The following ARL13B variants were observed in gnomAD, a reference collection of about 807,000 sequenced individuals.
ARL13B encodes ARF like GTPase 13B.
ARL13B carries 36 observed loss-of-function variants against 56.1 expected under a neutral mutation model. That is an observed-to-expected ratio of 0.64 (90% CI 0.49 to 0.85). The LOEUF is 0.85. Among genes scored for constraint, ARL13B ranks in the 40% least tolerant of loss-of-function variants. The pLI is 0.00. For synonymous variants in ARL13B, 178 were observed against 171.1 expected, an observed-to-expected ratio of 1.04 and a Z score of -0.32; for missense variants, 519 against 507.1, an observed-to-expected ratio of 1.02 and a Z score of -0.23.
At chr3:93,992,723 A>G (rs1346096063) in intron 1 of ARL13B, among the ~76,000 whole-genome samples, 7 of 152,232 alleles carry the variant, frequency 4.6e-5, no homozygotes, top group African/African-American at 1.7e-4. Context: ...CTTTAATATT[A>G]GCATTACTTT....
At chr3:94,050,243 T>G (rs2077047929) in intron 8 of ARL13B, among the ~76,000 whole-genome samples, 1 of 151,994 alleles carries the variant, frequency 6.6e-6, no homozygotes, top group South Asian at 2.1e-4. Context: ...TAATTTTTTC[T>G]AATACATTTT....
intron 3 of ARL13B, among the ~76,000 whole-genome samples, chr3:94,031,445 A>C (rs1467874447): frequency 6.6e-6 from 1 of 152,158 alleles, no homozygotes; most frequent in Non-Finnish European, 1.5e-5. Flanking sequence ...GAAATGGATG[A>C]TTGCAAGTCT....
Position 94,054,978 on chromosome 3 carries a change from C to T in ARL13B, c.*1715C>T, listed in dbSNP as rs1418032064. On this transcript the variant is annotated 3_prime_UTR_variant, in exon 10 of 10. Transcript: ENST00000394222. ...CTTTTGCTATCTTTTTAATATTTAT[C>T]TCGTTTGGGAGTATACGTGTTTTTA... is the stretch of plus-strand genomic sequence containing the variant. The T allele has an allele frequency of 3.3e-6, 1 of 299,326 alleles. No homozygotes were observed. The highest frequency in any genetic ancestry group is 6.6e-6 in the Non-Finnish European group (1 of 152,196). 18.5% of individuals were successfully genotyped at this position (299,326 alleles called of 1,614,324 possible). A position where few individuals can be genotyped will look rare whatever the true frequency, so the allele number is the denominator to read the frequency against.
At chr3:93,996,649 A>G in intron 2 of ARL13B, 1 of 434,552 alleles carries the variant, frequency 2.3e-6, no homozygotes, top group African/African-American at 2.0e-5. Flanking sequence ...GAGTGCTGGG[A>G]TTACAGGCAT....
At chr3:94,009,907 C>G (rs1171299666) in intron 3 of ARL13B, among the ~76,000 whole-genome samples, 1 of 152,058 alleles carries the variant, frequency 6.6e-6, no homozygotes, top group Non-Finnish European at 1.5e-5. Flanking sequence ...AGGTCCCCAT[C>G]CCTGCCTTCC....
chr3:94,011,427 T>C (rs2076223001), intron 3 of ARL13B, among the ~76,000 whole-genome samples: 1 of 152,184 alleles, frequency 6.6e-6, no homozygotes. Context: ...CTCCTTGTCC[T>C]CTCATTCTGT....
chr3:93,980,481 A>C lies in ARL13B; in HGVS notation c.58A>C (p.Arg20=), dbSNP rs751633091. ...GTTCAAGCGGTGGCGGGAGCCTGTC[A>C]GGTAGGCTGGAGCCAGCTGTCCTGG... ...GWFKRWREPV[R]KVTLLMVGLD... is the part of the protein sequence containing the mutation. Residue 20 remains arginine (R), a splice_region_variant and synonymous_variant, in exon 1 of 10, where the codon AGA becomes CGA. Transcript: ENST00000394222. 11 of 1,610,934 alleles carry C rather than the reference A, an allele frequency of 6.8e-6. No individual in the cohort carries two copies. In the South Asian group the frequency reaches 1.1e-4, roughly 16 times the overall value.
chr3:94,023,544 A>G (rs2076493366), intron 3 of ARL13B, among the ~76,000 whole-genome samples: 2 of 151,218 alleles, frequency 1.3e-5, no homozygotes, highest in South Asian at 4.2e-4. Context: ...TCTTTGTATT[A>G]TTTTCATGGC....
At chr3:93,983,122 G>A (rs1710297059) in intron 1 of ARL13B, among the ~76,000 whole-genome samples, 1 of 152,146 alleles carries the variant, frequency 6.6e-6, no homozygotes, top group African/African-American at 2.4e-5. Flanking sequence ...TTACTTTGCA[G>A]ATTTGTTTAA....
At position 94,013,869 on chromosome 3, in the gene ARL13B, A is replaced by ACTGG. The variant is rs529890948; in HGVS notation, c.380+9962_380+9965dup. On this transcript the variant is annotated intron_variant, in intron 3 of 9. Transcript: ENST00000394222. ...GGCTAAGGCACAAGAATCGCTTGAA[A>ACTGG]CTGGGAGGTGGAGATTGCAGTGAGC... Among the ~76,000 whole-genome samples the ACTGG allele has an allele frequency of 1.1e-4, 17 of 152,224 alleles. No homozygotes were observed. The East Asian group carries it at 2.3e-3, about 21-fold the overall frequency.
At chr3:94,006,082 C>T (rs1166989129) in intron 3 of ARL13B, among the ~76,000 whole-genome samples, 3 of 152,026 alleles carry the variant, frequency 2.0e-5, no homozygotes, top group East Asian at 1.9e-4. Flanking sequence ...GGGCAGATCA[C>T]GAGGTCAGGA....
chr3:93,991,596 CT>C (rs912654180), intron 1 of ARL13B, among the ~76,000 whole-genome samples: 3 of 152,180 alleles, frequency 2.0e-5, no homozygotes, highest in African/African-American at 7.2e-5. Flanking sequence ...CCAAGCTGGT[CT>C]TGGGCTTAAG....
At chr3:94,014,581 C>G in intron 3 of ARL13B, 4 of 1,612,350 alleles carry the variant, frequency 2.5e-6, no homozygotes, top group Non-Finnish European at 3.4e-6. Context: ...GAAAAGATCC[C>G]TTAAATCCTT....
intron 7 of ARL13B, among the ~76,000 whole-genome samples, 179 bp downstream of exon 7, chr3:94,043,419 T>G (rs894949730): frequency 1.1e-4 from 17 of 151,304 alleles, no homozygotes; most frequent in African/African-American, 4.1e-4. Context: ...TCCTAACCTG[T>G]TTTTCCATGA....
intron 3 of ARL13B, among the ~76,000 whole-genome samples, chr3:94,018,611 T>C (rs2076382268): frequency 6.6e-6 from 1 of 152,108 alleles, no homozygotes; most frequent in Non-Finnish European, 1.5e-5. Flanking sequence ...GTATCTCCAG[T>C]TTAGGTTGCT....
intron 3 of ARL13B, among the ~76,000 whole-genome samples, chr3:94,019,144 A>G (rs1406196422): frequency 1.3e-5 from 2 of 152,002 alleles, no homozygotes; most frequent in African/African-American, 4.8e-5. Context: ...TTCAAAATGT[A>G]TTTGGATCTA....
intron 7 of ARL13B, among the ~76,000 whole-genome samples, chr3:94,046,864 T>A (rs1260138603): frequency 6.6e-6 from 1 of 152,180 alleles, no homozygotes; most frequent in Non-Finnish European, 1.5e-5. Flanking sequence ...TATAATTGCT[T>A]TTCTTTTTCT....
chr3:94,036,972 G>A (rs183527504), intron 5 of ARL13B, among the ~76,000 whole-genome samples: 14 of 152,132 alleles, frequency 9.2e-5, no homozygotes, highest in Middle Eastern at 3.4e-3. Flanking sequence ...TACTCCTTAC[G>A]TAGCCATTGT....
intron 3 of ARL13B, among the ~76,000 whole-genome samples, chr3:94,016,896 T>C (rs1293012057): frequency 6.6e-6 from 1 of 152,134 alleles, no homozygotes; most frequent in Non-Finnish European, 1.5e-5. Context: ...CCGCCCACCT[T>C]GGCCTCCCAA....
Sources: gnomAD v4.1 joint callset for allele counts (sites outside exome capture counted in the v4.1 genomes callset) on GRCh38, gnomAD v4.1.1 for gene constraint, MANE v1.5 for transcripts, NCBI Gene and HGNC (gene_info 2026-07-23, HGNC 2026-07-21) for gene names.